TOPAZ1: variants seen among roughly 807,000 people sequenced by gnomAD.
TOPAZ1 encodes protein TOPAZ1.
Under a neutral mutation model 172.2 loss-of-function variants are expected in TOPAZ1, and 66 were observed. The observed-to-expected ratio is 0.38, with a 90% CI of 0.31 to 0.47. TOPAZ1 has a LOEUF of 0.47. Among genes scored for constraint, TOPAZ1 ranks in the 20% least tolerant of loss-of-function variants. The pLI is 0.99. For synonymous variants in TOPAZ1, 681 were observed against 683.9 expected (o/e 1.00, Z 0.07); for missense variants, 1,822 against 1,972.4 (o/e 0.92, Z 1.44).
chr3:44,307,575 G>T (rs542603492), intron 15 of TOPAZ1, among the ~76,000 whole-genome samples: 1 of 152,218 alleles, frequency 6.6e-6, no homozygotes, highest in South Asian at 2.1e-4. Flanking sequence ...AAATAGGGAG[G>T]AAGTGCTGAG....
chr3:44,274,907 T>G (rs942655838), intron 8 of TOPAZ1, among the ~76,000 whole-genome samples: 1 of 150,866 alleles, frequency 6.6e-6, no homozygotes, highest in Admixed American at 6.6e-5. Flanking sequence ...CACTGGTAGG[T>G]TTTTTTTTAA....
chr3:44,298,907 ATATTTTTTTT>A (rs1482839432), intron 12 of TOPAZ1, among the ~76,000 whole-genome samples: 10 of 13,522 alleles, frequency 7.4e-4, no homozygotes, highest in Non-Finnish European at 1.1e-3. Context: ...ATATATATAT[ATATTTTTTTT>A]TTTTTTTTTT....
downstream of TOPAZ1, among the ~76,000 whole-genome samples, chr3:44,332,699 A>G (rs1700684087): frequency 6.6e-6 from 1 of 152,190 alleles, no homozygotes; most frequent in Non-Finnish European, 1.5e-5. Context: ...CCAAGGTGGT[A>G]ATCCTCATCT....
At chr3:44,317,716 A>G (rs912942223) in intron 16 of TOPAZ1, among the ~76,000 whole-genome samples, 4 of 152,244 alleles carry the variant, frequency 2.6e-5, no homozygotes, top group African/African-American at 9.6e-5. Flanking sequence ...TTTCCCAAAT[A>G]TGAAATAGAG....
At chr3:44,335,012 G>A (rs760942351), downstream of TOPAZ1, among the ~76,000 whole-genome samples, 2 of 152,040 alleles carry the variant, frequency 1.3e-5, no homozygotes, top group Admixed American at 6.5e-5. Flanking sequence ...TGAGAGTTGT[G>A]ATGATTCCCA....
Position 44,244,632 on chromosome 3 carries a change from G to GAGA in TOPAZ1, c.2129_2131dup (p.Glu710dup). 1 of 1,551,360 alleles carries GAGA rather than the reference G, an allele frequency of 6.4e-7. No homozygotes were observed. The highest frequency in any genetic ancestry group is 8.7e-7 in the Non-Finnish European group (1 of 1,146,944). On this transcript the variant is annotated inframe_insertion, in exon 2 of 20. Transcript: ENST00000309765. ...GAAGTAAATGCCAAGTCATCAGAGA[G>GAGA]AGAAGCTTACAGTCCTCTAGAACTT...
At chr3:44,268,413 G>T (rs1844147) in intron 6 of TOPAZ1, among the ~76,000 whole-genome samples, 67,282 of 137,254 alleles carry the variant, frequency 0.49, 16,872 homozygotes, top group East Asian at 0.8. Flanking sequence ...TCACTCTATA[G>T]CCCAGGCTGG....
intron 8 of TOPAZ1, among the ~76,000 whole-genome samples, chr3:44,273,515 A>G (rs1699919959): frequency 6.6e-6 from 1 of 152,228 alleles, no homozygotes; most frequent in Non-Finnish European, 1.5e-5. Flanking sequence ...ATAATAAAAA[A>G]GTCTCCCTTC....
intron 16 of TOPAZ1, among the ~76,000 whole-genome samples, chr3:44,319,965 T>C (rs1421360575): frequency 1.3e-5 from 2 of 152,226 alleles, no homozygotes; most frequent in Non-Finnish European, 2.9e-5. Context: ...ATGTTACATA[T>C]AGTAATGTTT....
intron 15 of TOPAZ1, among the ~76,000 whole-genome samples, chr3:44,309,317 ACCAC>A (rs1700370666): frequency 6.6e-6 from 1 of 152,138 alleles, no homozygotes; most frequent in South Asian, 2.1e-4. Flanking sequence ...CAGGGGTTTC[ACCAC>A]ACTCCCCAGG....
At chr3:44,294,159 G>A (rs1418590821) in intron 12 of TOPAZ1, among the ~76,000 whole-genome samples, 1 of 151,956 alleles carries the variant, frequency 6.6e-6, no homozygotes, top group Non-Finnish European at 1.5e-5. Flanking sequence ...AGAATTGCTT[G>A]AATCTGGAAA....
chr3:44,293,441 T>C (rs1575724418), intron 12 of TOPAZ1, among the ~76,000 whole-genome samples: 1 of 152,280 alleles, frequency 6.6e-6, no homozygotes, highest in Non-Finnish European at 1.5e-5. Flanking sequence ...GATGTGGAGG[T>C]GGAAGACAGT....
intron 9 of TOPAZ1, among the ~76,000 whole-genome samples, chr3:44,286,221 AT>A (rs1673650618): frequency 1.3e-5 from 2 of 152,164 alleles, no homozygotes; most frequent in Admixed American, 1.3e-4. Flanking sequence ...TCTCAAAAAA[AT>A]AAATAACTTA....
chr3:44,244,108 C>A lies in TOPAZ1; in HGVS notation c.1602C>A (p.His534Gln). The A allele has an allele frequency of 6.4e-7, 1 of 1,551,612 alleles. No homozygotes were observed. The highest frequency in any genetic ancestry group is 8.7e-7 in the Non-Finnish European group (1 of 1,146,944). Residue 534 changes from histidine to glutamine, a missense_variant, in exon 2 of 20, where the codon CAC becomes CAA. His to Gln is a conservative substitution (Grantham distance 24). This residue lies in a region of TOPAZ1 where 1,489 missense variants were observed against 1,490.8 expected (regional missense o/e 1.00). Coordinates refer to ENST00000309765, the MANE Select transcript of TOPAZ1 (RefSeq NM_001145030.2). ...GTAGGCAAGTTGATGTCCCTAAACA[C>A]CAAACAAACCAGACCCATTTAACTG... The part of the protein sequence containing the change: ...ESCRQVDVPK[H>Q]QTNQTHLTDS...
At chr3:44,251,451 A>C (rs540969532) in intron 2 of TOPAZ1, among the ~76,000 whole-genome samples, 27 of 152,212 alleles carry the variant, frequency 1.8e-4, no homozygotes, top group Non-Finnish European at 2.9e-4. Context: ...AATAGTTTTC[A>C]AACAGTTTCT....
intron 2 of TOPAZ1, 108 bp from the exon 3 acceptor site, chr3:44,254,860 G>A (rs1354361816): frequency 2.8e-6 from 2 of 724,462 alleles, no homozygotes; most frequent in Non-Finnish European, 4.6e-6. Context: ...TGGAGGACTT[G>A]AGCTGATGTT....
chr3:44,255,583 C>T lies in TOPAZ1; in HGVS notation c.2827+554C>T, dbSNP rs538383221. Among the ~76,000 whole-genome samples, 7 of 148,230 alleles carry T rather than the reference C, an allele frequency of 4.7e-5. No individual in the cohort carries two copies. The South Asian group carries it at 8.8e-4, about 19-fold the overall frequency. On this transcript the variant is annotated intron_variant, in intron 3 of 19. Coordinates refer to ENST00000309765, the MANE Select transcript of TOPAZ1 (RefSeq NM_001145030.2). The stretch of plus-strand genomic sequence containing the variant: ...AGGAGAATGGTGTGAACCCGGGAGG[C>T]GGAGCTTGCAGTGAGCCAAGATCAC...
rs189014337 is a variant in TOPAZ1, at chr3:44,251,310, C to G, written c.2766-3658C>G. ...TAATGTTTTTCTCTTTTTGTAGAGA[C>G]TGAATCTCACTGTGTTGCCCAACCT... On this transcript the variant is annotated intron_variant, in intron 2 of 19. Transcript: ENST00000309765. 1.8e-4 allele frequency among the ~76,000 whole-genome samples: 28 copies of G among 152,218 alleles called. No individual in the cohort carries two copies. The East Asian group carries it at 5.4e-3, about 29-fold the overall frequency.
intron 9 of TOPAZ1, among the ~76,000 whole-genome samples, chr3:44,284,555 A>T (rs1700057958): frequency 6.6e-6 from 1 of 152,130 alleles, no homozygotes; most frequent in South Asian, 2.1e-4. Flanking sequence ...CCTTTTGGGT[A>T]TTAGAGTAAT....
Sources: gnomAD v4.1 joint callset for allele counts (sites outside exome capture counted in the v4.1 genomes callset) on GRCh38, gnomAD v4.1.1 for gene constraint, gnomAD v4.1.1 regional missense constraint, MANE v1.5 for transcripts, NCBI Gene and HGNC (gene_info 2026-07-23, HGNC 2026-07-21) for gene names.